Variants in OAS3 observed in about 807,000 individuals in gnomAD.
OAS3 encodes 2'-5'-oligoadenylate synthase 3.
In OAS3, 107 loss-of-function variants were observed where a neutral mutation model predicts 113.0. That is an observed-to-expected ratio of 0.95 (90% CI 0.81 to 1.11). OAS3 has a LOEUF of 1.11. Ranked by LOEUF, OAS3 falls within the 50% of genes most tolerant of loss-of-function variation. The probability of loss-of-function intolerance (pLI) is 0.00; values close to 1 mark genes in which losing one functional copy is unlikely to be tolerated. For missense variants in OAS3, 1,258 were observed against 1,389.1 expected (o/e 0.91, Z 1.50); for synonymous variants, 552 against 573.6 (o/e 0.96, Z 0.54).
chr12:112,960,775 C>T (rs1414254995), intron 7 of OAS3, among the ~76,000 whole-genome samples: 3 of 152,042 alleles, frequency 2.0e-5, no homozygotes, highest in Non-Finnish European at 4.4e-5. Context: ...TTTTCTGGCT[C>T]AAGATTATCC....
rs765081197 is a variant in OAS3 at position 112,944,493 on chromosome 12, G to A, written c.478G>A (p.Val160Ile). Residue 160 changes from valine (V) to isoleucine (I), a missense_variant, in exon 3 of 16, where the codon GTC becomes ATC. Val to Ile is a conservative substitution (Grantham distance 29). Transcript: ENST00000228928. ...ACCAACAGGTCAGGCCGGCTCCGGC[G>A]TCAAACCCAAGCCACAAGTCTACTC... ...FNVLGQAGSG[V>I]KPKPQVYSTL... 2.2e-5 allele frequency: 35 copies of A among 1,613,892 alleles called. No individual in the cohort carries two copies. The highest frequency in any genetic ancestry group is 1.3e-4 in the East Asian group (6 of 44,906).
intron 11 of OAS3, among the ~76,000 whole-genome samples, chr12:112,965,463 C>CA (rs2043924883): frequency 1.3e-5 from 2 of 152,110 alleles, no homozygotes; most frequent in Admixed American, 1.3e-4. Context: ...GCTGCAGGCC[C>CA]AAAAAACCAA....
chr12:112,944,589 G>T lies in OAS3; in HGVS notation c.574G>T (p.Val192Leu). 1 of 1,614,066 alleles carries T rather than the reference G, an allele frequency of 6.2e-7. No homozygotes were observed. Among genetic ancestry groups the T allele is most frequent in the South Asian group, 1.1e-5 (1 of 91,086 alleles). The part of the protein sequence containing the change: ...ACFTELRRNF[V>L]NIRPAKLKNL... ...CTTCACAGAGCTGCGGAGGAACTTT[G>T]TGAACATTCGCCCAGCCAAGTTGAA... Residue 192 changes from valine (V) to leucine (L), a missense_variant, in exon 3 of 16, where the codon GTG becomes TTG. Coordinates refer to ENST00000228928, the MANE Select transcript of OAS3 (RefSeq NM_006187.4).
intron 7 of OAS3, among the ~76,000 whole-genome samples, chr12:112,960,212 C>G (rs899879770): frequency 2.0e-5 from 3 of 152,248 alleles, no homozygotes; most frequent in African/African-American, 7.2e-5. Context: ...CACTAATTCC[C>G]AGGCTAGATT....
In OAS3 at chr12:112,963,257, G is replaced by C; in HGVS notation, c.2085-56G>C. The C allele has an allele frequency of 6.7e-7, 1 of 1,496,166 alleles. No individual in the cohort carries two copies. The highest frequency in any genetic ancestry group is 2.1e-5 in the Admixed American group (1 of 47,742). 92.7% of individuals were successfully genotyped at this position (1,496,166 alleles called of 1,614,324 possible). A position where few individuals can be genotyped will look rare whatever the true frequency, so the allele number is the denominator to read the frequency against. ...ACGCCCCTTTTCAGCCCTTCCACCC[G>C]CCTCCTCTTTCACTGACTCCCACCT... On this transcript the variant is annotated intron_variant, in intron 9 of 15. Coordinates refer to ENST00000228928, the MANE Select transcript of OAS3 (RefSeq NM_006187.4). This position sits in a 1 kb window ranked among gnomAD's most constrained non-coding sequence, Gnocchi z 4.6.
At chr12:112,966,426 G>T (rs1287766724) in intron 12 of OAS3, among the ~76,000 whole-genome samples, 1 of 152,174 alleles carries the variant, frequency 6.6e-6, no homozygotes, top group African/African-American at 2.4e-5. Flanking sequence ...ACCTGCTGCA[G>T]ATCCATTCAT....
intron 1 of OAS3, 116 bp from the exon 2 acceptor site, chr12:112,941,454 C>A: frequency 8.6e-7 from 1 of 1,165,252 alleles, no homozygotes; most frequent in Non-Finnish European, 1.2e-6. Context: ...TCAATGCCTA[C>A]AGCCATGTGG....
chr12:112,942,076 G>GC, intron 2 of OAS3: 1 of 620,530 alleles, frequency 1.6e-6, no homozygotes, highest in Non-Finnish European at 2.8e-6. Context: ...AAGATGCTTG[G>GC]CCCTCCCACA....
At chr12:112,947,288 T>C (rs550403437) in intron 4 of OAS3, among the ~76,000 whole-genome samples, 1 of 152,328 alleles carries the variant, frequency 6.6e-6, no homozygotes, top group South Asian at 2.1e-4. Flanking sequence ...ACCACCCAGA[T>C]CATGGTAGAA....
intron 4 of OAS3, 38 bp downstream of exon 4, chr12:112,947,019 G>A (rs45541433): frequency 7.2e-6 from 11 of 1,536,472 alleles, no homozygotes; most frequent in South Asian, 1.1e-5. Context: ...CTCCTGTCCC[G>A]GGGCCAGGGG....
chr12:112,938,685 C>G lies in OAS3; in HGVS notation c.155C>G (p.Pro52Arg), dbSNP rs1185911165. The G allele has an allele frequency of 6.4e-7, 1 of 1,572,340 alleles. No homozygotes were observed. The highest frequency in any genetic ancestry group is 8.6e-7 in the Non-Finnish European group (1 of 1,161,202). The change falls in exon 1 of 16, where the codon CCG (proline) becomes CGG (arginine). Residue 52 changes from proline (P) to arginine (R), a missense_variant. Transcript: ENST00000228928. ...ERGGRLGAAA[P>R]RVLKTVKGGS... Reference sequence around the variant, plus strand: ...GGGGGCCGCCTCGGTGCTGCTGCCCCGCGGGTGCTGAAAACTGTCAAGGTG... The same window carrying G: ...GGGGGCCGCCTCGGTGCTGCTGCCCGGCGGGTGCTGAAAACTGTCAAGGTG...
In OAS3 at chr12:112,964,393, G is replaced by A. The variant is rs1219999205; in HGVS notation, c.2388G>A (p.Val796=). The part of the protein sequence containing the change: ...ENCFRNSPIK[V]IKVVKGGSSA... ...GCTTCCGGAATTCTCCCATCAAAGT[G>A]ATCAAGGTGGTCAAGGTGAGTCCTC... Residue 796 remains valine, a synonymous_variant, in exon 11 of 16, where the codon GTG becomes GTA. Transcript: ENST00000228928. 1.2e-6 allele frequency: 2 copies of A among 1,611,728 alleles called. No individual in the cohort carries two copies. Among genetic ancestry groups the A allele is most frequent in the African/African-American group, 2.7e-5 (2 of 74,940 alleles).
At chr12:112,943,228 C>T (rs995029838) in intron 2 of OAS3, among the ~76,000 whole-genome samples, 8 of 152,182 alleles carry the variant, frequency 5.3e-5, no homozygotes, top group Non-Finnish European at 1.0e-4. Context: ...AGCCACCCCA[C>T]CCAGCCTGGG....
In OAS3 at chr12:112,963,420, G is replaced by C; in HGVS notation, c.2192G>C (p.Ser731Thr). ...CTGGGGATGCAGGCCTGCTTTCTGAGTAGAGACGGGACATCTGTGCAGCCC... is the reference window on the plus strand; with the variant it reads ...CTGGGGATGCAGGCCTGCTTTCTGACTAGAGACGGGACATCTGTGCAGCCC... The part of the protein sequence containing the change: ...AALGMQACFL[S>T]RDGTSVQPWD... The change falls in exon 10 of 16, where the codon AGT becomes ACT. Residue 731 changes from serine to threonine, a missense_variant. Physicochemically the swap from Ser to Thr is moderately conservative, Grantham distance 58 (BLOSUM62 1). Coordinates refer to ENST00000228928, the MANE Select transcript of OAS3 (RefSeq NM_006187.4). This position sits in a 1 kb window ranked among gnomAD's most constrained non-coding sequence, Gnocchi z 4.6. 6.4e-7 allele frequency: 1 copy of C among 1,551,496 alleles called. No individual in the cohort carries two copies. Among genetic ancestry groups the C allele is most frequent in the Non-Finnish European group, 8.7e-7 (1 of 1,146,924 alleles).
chr12:112,955,789 ATAT>A, intron 7 of OAS3, among the ~76,000 whole-genome samples: 1 of 152,060 alleles, frequency 6.6e-6, no homozygotes, highest in Non-Finnish European at 1.5e-5. Context: ...TTCATCAGGG[ATAT>A]TGGTCTTTTT....
At chr12:112,950,646 C>G in intron 6 of OAS3, 47 bp from the exon 7 acceptor site, 1 of 1,595,360 alleles carries the variant, frequency 6.3e-7, no homozygotes, top group Non-Finnish European at 8.6e-7. Flanking sequence ...AGTCCGACTC[C>G]CAGGCTCCTA....
chr12:112,962,575 C>A, intron 8 of OAS3, 77 bp from the exon 9 acceptor site: 1 of 1,513,186 alleles, frequency 6.6e-7, no homozygotes. Context: ...ATATTCCCTT[C>A]CTGCCCCAAG....
chr12:112,946,600 T>C, intron 3 of OAS3, 143 bp from the exon 4 acceptor site: 1 of 574,040 alleles, frequency 1.7e-6, no homozygotes, highest in Non-Finnish European at 2.9e-6. Flanking sequence ...TGGTGAGAAA[T>C]GCCACTTGTT....
rs1423042964 is a variant in OAS3, at chr12:112,948,876, G to A, written c.1045G>A (p.Gly349Arg). The change falls in exon 6 of 16, where the codon GGA becomes AGA. Residue 349 changes from glycine (G) to arginine (R), a missense_variant. Coordinates refer to ENST00000228928, the MANE Select transcript of OAS3 (RefSeq NM_006187.4). ...SWKGPGLPRA[G>R]CSGLGHPIQL... The stretch of plus-strand genomic sequence containing the variant: ...GACCTTCCAGGGCCTTCCACGTGCT[G>A]GATGCTCAGGTTTGGGCCACCCCAT... 4 of 1,579,266 alleles carry A rather than the reference G, an allele frequency of 2.5e-6. No homozygotes were observed. The highest frequency in any genetic ancestry group is 1.2e-5 in the South Asian group (1 of 86,824).
Sources: allele counts gnomAD v4.1 joint callset (sites outside exome capture counted in the v4.1 genomes callset), GRCh38; gene constraint gnomAD v4.1.1; non-coding constraint Gnocchi (gnomAD v3.1); transcripts MANE v1.5; gene names NCBI Gene and HGNC (gene_info 2026-07-23, HGNC 2026-07-21).